SORCS2: variants seen among roughly 807,000 people sequenced by gnomAD.
The protein encoded by SORCS2 is sortilin related VPS10 domain containing receptor 2, also known as VPS10 domain-containing receptor SorCS2.
Under a neutral mutation model 141.6 loss-of-function variants are expected in SORCS2, and 100 were observed. The ratio of observed to expected loss-of-function variants is 0.71; its 90% confidence interval spans 0.60 to 0.83. SORCS2 has a LOEUF of 0.83. Among genes scored for constraint, SORCS2 ranks in the 40% least tolerant of loss-of-function variants. The pLI is 0.00. For missense variants in SORCS2, 1,646 were observed against 1,560.2 expected, an observed-to-expected ratio of 1.05 and a Z score of -0.93; for synonymous variants, 789 against 676.9, an observed-to-expected ratio of 1.17 and a Z score of -2.57.
rs4689840 is a variant in SORCS2 at position 7,724,169 on chromosome 4, G to A, written c.2611+286G>A. ...GGTCGTGGTGGTGGTGGTGATGGTG[G>A]TGATGGTGATAGCAGTACTGGTGGT... is the stretch of plus-strand genomic sequence containing the variant. On this transcript the variant is annotated intron_variant, in intron 19 of 26. Coordinates refer to ENST00000507866, the MANE Select transcript of SORCS2 (RefSeq NM_020777.3). Among the ~76,000 whole-genome samples, 81,999 of 147,144 alleles carry A rather than the reference G, an allele frequency of 0.56. 23,829 individuals are homozygous for A. Among genetic ancestry groups the A allele is most frequent in the East Asian group, 0.87 (4,253 of 4,870 alleles).
At chr4:7,674,257 C>G (rs184869849) in intron 8 of SORCS2, among the ~76,000 whole-genome samples, 1 of 152,102 alleles carries the variant, frequency 6.6e-6, no homozygotes, top group African/African-American at 2.4e-5. Flanking sequence ...GGGGTCCTCT[C>G]TGCCTGTGGG....
At chr4:7,418,069 C>G (rs1725811336) in intron 2 of SORCS2, among the ~76,000 whole-genome samples, 1 of 152,166 alleles carries the variant, frequency 6.6e-6, no homozygotes, top group South Asian at 2.1e-4. Context: ...GAGGCTCTTA[C>G]CAGTTACGCT....
chr4:7,582,676 A>G (rs1046296255), intron 3 of SORCS2, among the ~76,000 whole-genome samples: 20 of 152,188 alleles, frequency 1.3e-4, no homozygotes, highest in Middle Eastern at 3.4e-3. Context: ...AAAAAAAAGC[A>G]ATTAAAGGAT....
intron 3 of SORCS2, among the ~76,000 whole-genome samples, chr4:7,564,394 G>A (rs956479532): frequency 4.6e-5 from 7 of 152,098 alleles, no homozygotes; most frequent in African/African-American, 1.7e-4. Flanking sequence ...TGTCAGCCCC[G>A]TGTGTGTCTC....
chr4:7,737,795 G>C (rs891606730), intron 26 of SORCS2, among the ~76,000 whole-genome samples: 5 of 152,294 alleles, frequency 3.3e-5, no homozygotes, highest in African/African-American at 1.2e-4. Flanking sequence ...GGGCTCAGCC[G>C]GGCTGCTCGC....
At chr4:7,326,607 C>T (rs1294317222) in intron 1 of SORCS2, among the ~76,000 whole-genome samples, 6 of 151,966 alleles carry the variant, frequency 3.9e-5, no homozygotes, top group Non-Finnish European at 4.4e-5. Flanking sequence ...GTGCCAAGCA[C>T]CCAAGGGGTG....
intron 4 of SORCS2, among the ~76,000 whole-genome samples, chr4:7,642,769 A>G (rs531687942): frequency 6.6e-6 from 1 of 152,274 alleles, no homozygotes; most frequent in Admixed American, 6.5e-5. Flanking sequence ...GCGATTGGCT[A>G]TATGAGGCTC....
At chr4:7,423,239 T>C (rs978551010) in intron 2 of SORCS2, among the ~76,000 whole-genome samples, 9 of 152,166 alleles carry the variant, frequency 5.9e-5, no homozygotes, top group African/African-American at 2.2e-4. Flanking sequence ...TTATTGCTGA[T>C]GATATTATTT....
intron 3 of SORCS2, among the ~76,000 whole-genome samples, chr4:7,583,465 T>G (rs971152153): frequency 1.3e-5 from 2 of 152,202 alleles, no homozygotes; most frequent in Non-Finnish European, 2.9e-5. Flanking sequence ...TCCTCAGATA[T>G]GGTTTGGCTG....
intron 18 of SORCS2, among the ~76,000 whole-genome samples, chr4:7,721,202 C>T (rs535048235): frequency 3.9e-5 from 6 of 152,306 alleles, no homozygotes; most frequent in South Asian, 2.1e-4. Flanking sequence ...CGGTGTCTCA[C>T]GCCTGTGATC....
At chr4:7,247,718 C>A (rs149365751) in intron 1 of SORCS2, among the ~76,000 whole-genome samples, 1 of 152,132 alleles carries the variant, frequency 6.6e-6, no homozygotes, top group Non-Finnish European at 1.5e-5. Context: ...GGGGACCTGG[C>A]GACCCTGGCG....
At chr4:7,385,044 C>G (rs887225212) in intron 1 of SORCS2, among the ~76,000 whole-genome samples, 15 of 152,172 alleles carry the variant, frequency 9.9e-5, no homozygotes, top group African/African-American at 3.4e-4. Flanking sequence ...GGATCCCAAG[C>G]TTGGAGAATC....
intron 3 of SORCS2, among the ~76,000 whole-genome samples, chr4:7,547,474 C>T (rs11932171): frequency 0.015 from 2,354 of 152,382 alleles, 24 homozygotes; most frequent in Middle Eastern, 0.061. Context: ...TCTGCAAATT[C>T]ATCTCCATGC....
At chr4:7,602,735 C>G (rs1717808020) in intron 3 of SORCS2, among the ~76,000 whole-genome samples, 1 of 151,998 alleles carries the variant, frequency 6.6e-6, no homozygotes, top group African/African-American at 2.4e-5. Flanking sequence ...GGCAGAGACG[C>G]TCCTCACTTC....
At chr4:7,327,629 A>G (rs1719357143) in intron 1 of SORCS2, among the ~76,000 whole-genome samples, 1 of 152,036 alleles carries the variant, frequency 6.6e-6, no homozygotes, top group Non-Finnish European at 1.5e-5. Context: ...TCCTGTGCTC[A>G]TGCTTTCTGG....
At chr4:7,435,203 G>C (rs1314797494) in intron 2 of SORCS2, among the ~76,000 whole-genome samples, 1 of 152,050 alleles carries the variant, frequency 6.6e-6, no homozygotes, top group Non-Finnish European at 1.5e-5. Context: ...TCCCCCTGCT[G>C]CAGTAGTTCC....
chr4:7,721,475 AT>A (rs1475024065), intron 18 of SORCS2, among the ~76,000 whole-genome samples: 1 of 152,264 alleles, frequency 6.6e-6, no homozygotes, highest in East Asian at 1.9e-4. Flanking sequence ...TAAAAAAAAA[AT>A]AATAGTAATA....
At chr4:7,593,006 A>G (rs573560084) in intron 3 of SORCS2, among the ~76,000 whole-genome samples, 1 of 152,248 alleles carries the variant, frequency 6.6e-6, no homozygotes, top group African/African-American at 2.4e-5. Flanking sequence ...TGAAACACCA[A>G]TTTATTGTTA....
Position 7,404,809 on chromosome 4 carries a change from G to C in SORCS2, c.548+8454G>C, listed in dbSNP as rs1482560473. Reference sequence around the variant, plus strand: ...TTTTCTCCCGTTGTGTAGGTTGTCTGTCCATGCTGTTGGTTATTTCTTTTG... The same window carrying C: ...TTTTCTCCCGTTGTGTAGGTTGTCTCTCCATGCTGTTGGTTATTTCTTTTG... On this transcript the variant is annotated intron_variant, in intron 2 of 26. Transcript: ENST00000507866. Among the ~76,000 whole-genome samples, 3 of 152,180 alleles carry C rather than the reference G, an allele frequency of 2.0e-5. No individual in the cohort carries two copies. The East Asian group carries it at 5.8e-4, about 29-fold the overall frequency.
Sources: gnomAD v4.1 joint callset for allele counts (sites outside exome capture counted in the v4.1 genomes callset) on GRCh38, gnomAD v4.1.1 for gene constraint, MANE v1.5 for transcripts, NCBI Gene and HGNC (gene_info 2026-07-23, HGNC 2026-07-21) for gene names.